The following F8 variants were observed in gnomAD, a reference collection of about 807,000 sequenced individuals.
F8 encodes coagulation factor VIII, also known as antihemophilic factor.
A neutral mutation model predicts 140.6 loss-of-function variants in F8; 12 were observed. The observed-to-expected ratio is 0.09, with a 90% CI of 0.05 to 0.14. The LOEUF is 0.14. Ranked by LOEUF, F8 falls within the 10% of genes least tolerant of loss-of-function variation. F8 has a pLI of 1.00. For synonymous variants in F8, 585 were observed against 614.6 expected (o/e 0.95, Z 0.71); for missense variants, 1,354 against 1,720.7 (o/e 0.79, Z 3.77).
intron 1 of F8, among the ~76,000 whole-genome samples, chrX:155,006,392 C>T (rs1334624341): frequency 3.7e-5 from 2 of 53,898 alleles, no homozygotes; most frequent in Non-Finnish European, 6.8e-5. Context: ...TCTAGGCACA[C>T]GTCACGGTGG....
intron 22 of F8, among the ~76,000 whole-genome samples, chrX:154,866,705 T>C (rs1032973620): frequency 1.8e-5 from 2 of 110,450 alleles, no homozygotes; most frequent in African/African-American, 6.6e-5. Context: ...AGCATACTAA[T>C]AGGGAAATTT....
intron 1 of F8, among the ~76,000 whole-genome samples, chrX:155,000,297 T>C (rs945278885): frequency 2.5e-4 from 28 of 112,131 alleles, no homozygotes; most frequent in African/African-American, 8.4e-4. Context: ...CCAATGTGAA[T>C]CTTGGTGAAT....
intron 10 of F8, 35 bp downstream of exon 10, chrX:154,961,040 G>A (rs782200218): frequency 6.5e-6 from 6 of 929,542 alleles, no homozygotes; most frequent in Middle Eastern, 2.7e-4. Context: ...TGTATCTACA[G>A]GTAAAAAAGA....
chrX:154,943,574 A>G (rs1195413294), intron 13 of F8, among the ~76,000 whole-genome samples: 2 of 111,859 alleles, frequency 1.8e-5, no homozygotes, highest in Non-Finnish European at 3.8e-5. Flanking sequence ...AATCAATATC[A>G]TGAAAATGGC....
At chrX:155,005,450 G>T (rs1051046431) in intron 1 of F8, among the ~76,000 whole-genome samples, 1 of 109,889 alleles carries the variant, frequency 9.1e-6, no homozygotes, top group African/African-American at 3.3e-5. Context: ...AGAGGGTGGT[G>T]GGGGGAGGGA....
chrX:154,852,955 C>A, intron 25 of F8, among the ~76,000 whole-genome samples: 1 of 111,785 alleles, frequency 8.9e-6, no homozygotes, highest in Non-Finnish European at 1.9e-5. Flanking sequence ...ATATTCTTAT[C>A]TTAAGAATAT....
intron 9 of F8, among the ~76,000 whole-genome samples, chrX:154,963,562 T>G (rs2073407719): frequency 8.9e-6 from 1 of 111,943 alleles, no homozygotes; most frequent in Non-Finnish European, 1.9e-5. Context: ...TTTGGGTATA[T>G]ACCTAGTAAT....
chrX:154,973,698 T>G (rs1363870017), intron 6 of F8, among the ~76,000 whole-genome samples: 1 of 112,643 alleles, frequency 8.9e-6, no homozygotes, highest in Non-Finnish European at 1.9e-5. Flanking sequence ...ACAAGTTTAC[T>G]ACATTCATTT....
chrX:154,845,771 G>GT (rs1311174959), intron 25 of F8, among the ~76,000 whole-genome samples: 6 of 111,498 alleles, frequency 5.4e-5, no homozygotes, highest in Non-Finnish European at 9.4e-5. Context: ...TTTTTAAAGG[G>GT]TTTTTTGTGT....
At chrX:154,968,454 T>C (rs1413523546) in intron 7 of F8, among the ~76,000 whole-genome samples, 4 of 111,768 alleles carry the variant, frequency 3.6e-5, no homozygotes, top group Admixed American at 1.9e-4. Context: ...CAGCACAAAC[T>C]GACTAAGAGC....
chrX:154,947,583 A>T lies in F8; in HGVS notation c.2113+115T>A, dbSNP rs781898513. The T allele has an allele frequency of 3.4e-5, 20 of 596,681 alleles. 2 individuals carry two copies. Among genetic ancestry groups the T allele is most frequent in the African/African-American group, 1.1e-4 (5 of 45,403 alleles). 49.2% of individuals were successfully genotyped at this position (596,681 alleles called of 1,213,427 possible). A position where few individuals can be genotyped will look rare whatever the true frequency, so the allele number is the denominator to read the frequency against. On this transcript the variant is annotated intron_variant, in intron 13 of 25. Transcript: ENST00000360256. ...CTCAGAGGAGAAACTAGATCCCTGT[A>T]CCTCAAGGAAGAAAATGCTATAAAT...
chrX:155,017,866 T>C (rs1422256747), intron 1 of F8, among the ~76,000 whole-genome samples: 1 of 111,065 alleles, frequency 9.0e-6, no homozygotes, highest in Admixed American at 9.6e-5. Flanking sequence ...TGAGAGATAC[T>C]GCTTTTTTTT....
chrX:154,905,090 G>A, intron 15 of F8, 67 bp from the exon 16 acceptor site: 16 of 873,463 alleles, frequency 1.8e-5, no homozygotes, highest in Non-Finnish European at 2.5e-5. Flanking sequence ...GGTCCTTAGG[G>A]TTTACATCCC....
At chrX:154,911,435 A>C (rs1557276759) in intron 14 of F8, among the ~76,000 whole-genome samples, 1 of 109,806 alleles carries the variant, frequency 9.1e-6, no homozygotes. Context: ...TTAAGCTCTC[A>C]CATGTAAGTG....
chrX:154,919,187 T>G (rs782171753), intron 14 of F8: 1 of 112,145 alleles, frequency 8.9e-6, no homozygotes, highest in East Asian at 2.8e-4. Context: ...TCTATATATC[T>G]TAACGCTCAT....
chrX:154,910,750 C>T (rs1311641569), intron 14 of F8, among the ~76,000 whole-genome samples: 2 of 110,618 alleles, frequency 1.8e-5, no homozygotes, highest in African/African-American at 6.6e-5. Context: ...GCCCGACACC[C>T]GTAAAGGGTC....
intron 22 of F8, among the ~76,000 whole-genome samples, chrX:154,892,182 A>G (rs1336207951): frequency 1.8e-5 from 2 of 112,507 alleles, no homozygotes; most frequent in African/African-American, 3.2e-5. Context: ...ACTTATGCTC[A>G]GCCCCTAAGT....
chrX:154,868,166 T>C (rs1248587039), intron 22 of F8, among the ~76,000 whole-genome samples: 1 of 111,770 alleles, frequency 8.9e-6, no homozygotes, highest in African/African-American at 3.3e-5. Context: ...TCACCTTGAA[T>C]CGTAATCCCC....
chrX:155,002,357 A>G (rs1254019719), intron 1 of F8, among the ~76,000 whole-genome samples: 2 of 112,209 alleles, frequency 1.8e-5, no homozygotes, highest in African/African-American at 6.5e-5. Flanking sequence ...ATGGCAAAAC[A>G]GTATTTCTAG....
Sources: gnomAD v4.1 joint callset for allele counts (sites outside exome capture counted in the v4.1 genomes callset) on GRCh38, gnomAD v4.1.1 for gene constraint, MANE v1.5 for transcripts, NCBI Gene and HGNC (gene_info 2026-07-23, HGNC 2026-07-21) for gene names.